The following GPC5 variants were observed in gnomAD, a reference collection of about 807,000 sequenced individuals.
GPC5 encodes the protein glypican-5.
In GPC5, 47 loss-of-function variants were observed where a neutral mutation model predicts 53.9. The observed-to-expected ratio is 0.87, with a 90% CI of 0.69 to 1.11. The LOEUF is 1.11. GPC5 is among the 50% of genes most tolerant of loss of function. The pLI is 0.00. For missense variants in GPC5, 748 were observed against 713.1 expected, an observed-to-expected ratio of 1.05 and a Z score of -0.56; for synonymous variants, 286 against 263.3, an observed-to-expected ratio of 1.09 and a Z score of -0.84.
At chr13:92,831,111 C>T (rs1193139850) in intron 7 of GPC5, among the ~76,000 whole-genome samples, 2 of 151,978 alleles carry the variant, frequency 1.3e-5, no homozygotes, top group Non-Finnish European at 2.9e-5. Flanking sequence ...AAATAACACT[C>T]GGAAATGATC....
In GPC5 at chr13:92,583,871, G is replaced by C. The variant is rs1213356273; in HGVS notation, c.1562-282411G>C. ...TGTTCTCATGATAGTAAGTCTCACA[G>C]GATCTGATGGTCATTATAAGGGGGA... is the stretch of plus-strand genomic sequence containing the variant. On this transcript the variant is annotated intron_variant, in intron 7 of 7. Coordinates refer to ENST00000377067, the MANE Select transcript of GPC5 (RefSeq NM_004466.6). 2.0e-5 allele frequency among the ~76,000 whole-genome samples: 3 copies of C among 152,086 alleles called. No homozygotes were observed. In the East Asian group the frequency reaches 5.8e-4, roughly 29 times the overall value.
intron 7 of GPC5, among the ~76,000 whole-genome samples, chr13:92,558,056 A>G (rs2139024888): frequency 6.6e-6 from 1 of 152,152 alleles, no homozygotes; most frequent in Non-Finnish European, 1.5e-5. Context: ...TACTAAAAGA[A>G]GATTTATTTA....
At chr13:91,606,400 A>G (rs868508078) in intron 2 of GPC5, among the ~76,000 whole-genome samples, 6,537 of 150,492 alleles carry the variant, frequency 0.043, 484 homozygotes, top group African/African-American at 0.15. Flanking sequence ...CATCAAGGAT[A>G]TTGGTCTAAA....
At chr13:91,429,365 G>A (rs527829717) in intron 1 of GPC5, among the ~76,000 whole-genome samples, 2 of 151,972 alleles carry the variant, frequency 1.3e-5, no homozygotes, top group Non-Finnish European at 2.9e-5. Context: ...AATATTACAT[G>A]GTCTATGTCC....
At chr13:91,648,320 A>G (rs1268992756) in intron 2 of GPC5, among the ~76,000 whole-genome samples, 1 of 152,278 alleles carries the variant, frequency 6.6e-6, no homozygotes, top group African/African-American at 2.4e-5. Context: ...CTTTCCATGA[A>G]AAGCAAAATG....
chr13:91,621,504 G>A (rs190494309), intron 2 of GPC5, among the ~76,000 whole-genome samples: 21 of 152,050 alleles, frequency 1.4e-4, no homozygotes, highest in Non-Finnish European at 3.1e-4. Flanking sequence ...TGTTGGAATA[G>A]CAAAGCTCTC....
intron 6 of GPC5, among the ~76,000 whole-genome samples, chr13:92,100,600 T>C (rs1471872121): frequency 2.0e-5 from 3 of 152,208 alleles, no homozygotes; most frequent in African/African-American, 7.2e-5. Flanking sequence ...TTCTTTGAAT[T>C]GATTGCTCAT....
At chr13:91,750,583 C>G (rs74105002) in intron 4 of GPC5, among the ~76,000 whole-genome samples, 3 of 150,916 alleles carry the variant, frequency 2.0e-5, no homozygotes, top group Non-Finnish European at 4.4e-5. Context: ...GAAAAGTAGT[C>G]GTGTGCTAGC....
intron 7 of GPC5, among the ~76,000 whole-genome samples, chr13:92,663,488 C>T (rs1886418839): frequency 6.7e-6 from 1 of 150,336 alleles, no homozygotes; most frequent in Non-Finnish European, 1.5e-5. Context: ...CCTCTAATCT[C>T]AGCACTTTGG....
chr13:91,555,971 G>A (rs2030923637), intron 2 of GPC5, among the ~76,000 whole-genome samples: 1 of 151,840 alleles, frequency 6.6e-6, no homozygotes, highest in Non-Finnish European at 1.5e-5. Context: ...ATTTGGGTGG[G>A]GACACAGCCA....
At chr13:91,509,571 G>A (rs1885128435) in intron 2 of GPC5, among the ~76,000 whole-genome samples, 1 of 151,518 alleles carries the variant, frequency 6.6e-6, no homozygotes, top group African/African-American at 2.4e-5. Context: ...ATTTCATTTT[G>A]AGACCTTGTT....
chr13:91,713,710 T>C (rs948273386), intron 3 of GPC5, among the ~76,000 whole-genome samples: 11 of 152,262 alleles, frequency 7.2e-5, no homozygotes, highest in African/African-American at 2.4e-4. Flanking sequence ...ACTGAACTCA[T>C]GGTCTTGTCT....
At chr13:91,588,185 C>G (rs190769461) in intron 2 of GPC5, among the ~76,000 whole-genome samples, 6 of 152,262 alleles carry the variant, frequency 3.9e-5, no homozygotes, top group Non-Finnish European at 7.4e-5. Context: ...TTTTCAGAGA[C>G]TGGCTAATGC....
chr13:91,642,583 G>T (rs1361155351), intron 2 of GPC5, among the ~76,000 whole-genome samples: 2 of 152,098 alleles, frequency 1.3e-5, no homozygotes, highest in African/African-American at 4.8e-5. Context: ...AAACTTCAAA[G>T]GAATTTGGTG....
chr13:92,684,277 G>C (rs1482879110), intron 7 of GPC5, among the ~76,000 whole-genome samples: 5 of 148,894 alleles, frequency 3.4e-5, no homozygotes, highest in Non-Finnish European at 6.0e-5. Flanking sequence ...TATTTTTTTT[G>C]TTTTTGTTTT....
chr13:91,781,599 C>T (rs1162558594), intron 5 of GPC5, among the ~76,000 whole-genome samples: 1 of 152,174 alleles, frequency 6.6e-6, no homozygotes. Flanking sequence ...ATATGCCAAG[C>T]CTAACAATTG....
At chr13:92,701,303 T>C (rs1235036896) in intron 7 of GPC5, 1 of 152,148 alleles carries the variant, frequency 6.6e-6, no homozygotes, top group Non-Finnish European at 1.5e-5. Context: ...AACCATCAAA[T>C]ATTATGTCTC....
intron 7 of GPC5, among the ~76,000 whole-genome samples, chr13:92,836,303 T>G (rs184934537): frequency 6.6e-6 from 1 of 152,252 alleles, no homozygotes; most frequent in East Asian, 1.9e-4. Flanking sequence ...TACATAAAGT[T>G]GTATTCCATC....
chr13:92,527,476 G>A (rs1398272416), intron 7 of GPC5, among the ~76,000 whole-genome samples: 2 of 152,076 alleles, frequency 1.3e-5, no homozygotes, highest in East Asian at 3.9e-4. Context: ...TAGGGGGTAA[G>A]GTGTGGCTGT....
Sources: allele counts gnomAD v4.1 joint callset (sites outside exome capture counted in the v4.1 genomes callset), GRCh38; gene constraint gnomAD v4.1.1; transcripts MANE v1.5; gene names NCBI Gene and HGNC (gene_info 2026-07-23, HGNC 2026-07-21).